Variants in CCSER2 observed in about 807,000 individuals in gnomAD.
CCSER2 encodes serine-rich coiled-coil domain-containing protein 2.
A neutral mutation model predicts 92.3 loss-of-function variants in CCSER2; 46 were observed. The ratio of observed to expected loss-of-function variants is 0.50; its 90% CI spans 0.39 to 0.64. The LOEUF (loss-of-function observed/expected upper bound fraction) is 0.64. CCSER2 is among the 30% of genes least tolerant of loss of function. CCSER2 has a pLI of 0.00. For missense variants in CCSER2, 1,244 were observed against 1,238.9 expected, an observed-to-expected ratio of 1.00 and a Z score of -0.06; for synonymous variants, 433 against 431.4, an observed-to-expected ratio of 1.00 and a Z score of -0.04.
intron 5 of CCSER2, among the ~76,000 whole-genome samples, chr10:84,431,558 A>C (rs994064155): frequency 3.3e-5 from 5 of 152,082 alleles, no homozygotes; most frequent in African/African-American, 1.2e-4. Flanking sequence ...CTGGGCACAT[A>C]TTGAGTCCTC....
At chr10:84,391,970 C>T (rs921535301) in intron 3 of CCSER2, 12 of 1,346,204 alleles carry the variant, frequency 8.9e-6, no homozygotes, top group East Asian at 2.3e-5. Context: ...ATCAAGTAGG[C>T]GATAAAAATT....
At chr10:84,504,595 C>T (rs1242366488) in intron 9 of CCSER2, among the ~76,000 whole-genome samples, 1 of 152,140 alleles carries the variant, frequency 6.6e-6, no homozygotes. Context: ...GTTGGATAAT[C>T]TTTCTAAGAG....
chr10:84,501,078 C>A (rs1045631470), intron 9 of CCSER2, among the ~76,000 whole-genome samples: 1 of 152,118 alleles, frequency 6.6e-6, no homozygotes, highest in African/African-American at 2.4e-5. Context: ...TTACTGGAAG[C>A]AATGAGAAAA....
At position 84,372,409 on chromosome 10, in the gene CCSER2, C is replaced by A; in HGVS notation, c.1357C>A (p.Pro453Thr). 1.3e-6 allele frequency: 2 copies of A among 1,591,908 alleles called. No individual in the cohort carries two copies. Among genetic ancestry groups the A allele is most frequent in the South Asian group, 1.2e-5 (1 of 85,864 alleles). Reference sequence around the variant, plus strand: ...GCCACCACAGGATATGTTTGATTCCCCCAAGGAAAATGAAAAAGCCTTCAG... The same window carrying A: ...GCCACCACAGGATATGTTTGATTCCACCAAGGAAAATGAAAAAGCCTTCAG... Reference protein sequence around the residue: ...NGPPQDMFDSPKENEKAFSKT... With the variant: ...NGPPQDMFDSTKENEKAFSKT... Residue 453 changes from proline to threonine, a missense_variant, in exon 2 of 10, where the codon CCC (proline) becomes ACC (threonine). Transcript: ENST00000372088.
intron 6 of CCSER2, among the ~76,000 whole-genome samples, chr10:84,457,278 A>AT (rs1233863506): frequency 1.8e-3 from 4 of 2,228 alleles, no homozygotes; most frequent in Non-Finnish European, 3.5e-3. Flanking sequence ...TATATAATAT[A>AT]TTATATATTA....
intron 3 of CCSER2, among the ~76,000 whole-genome samples, chr10:84,408,463 T>C (rs893703358): frequency 6.6e-6 from 1 of 152,152 alleles, no homozygotes; most frequent in Non-Finnish European, 1.5e-5. Flanking sequence ...CTTCTTTCCT[T>C]CCGTGTTCCT....
Position 84,373,734 on chromosome 10 carries a change from C to T in CCSER2, c.1533C>T (p.Tyr511=). The T allele has an allele frequency of 1.9e-6, 3 of 1,613,760 alleles. No individual in the cohort carries two copies. The highest frequency in any genetic ancestry group is 2.5e-6 in the Non-Finnish European group (3 of 1,179,788). The change falls in exon 3 of 10, where the codon TAC becomes TAT. Residue 511 remains tyrosine (Y), a synonymous_variant. Coordinates refer to ENST00000372088, the MANE Select transcript of CCSER2 (RefSeq NM_001284240.2). The stretch of plus-strand genomic sequence containing the variant: ...CATCTGATAGCTCTGATGGAACATA[C>T]ATGTGGGATGAAGAAGGCTTGGAAC... ...LSPSDSSDGT[Y]MWDEEGLEPI...
At chr10:84,390,416 A>G (rs1841455656) in intron 3 of CCSER2, among the ~76,000 whole-genome samples, 1 of 152,212 alleles carries the variant, frequency 6.6e-6, no homozygotes, top group Admixed American at 6.5e-5. Context: ...GCTATGTGAT[A>G]TTAGCCTATT....
intron 9 of CCSER2, among the ~76,000 whole-genome samples, chr10:84,502,588 G>A (rs1848821079): frequency 6.6e-6 from 1 of 151,978 alleles, no homozygotes; most frequent in Non-Finnish European, 1.5e-5. Context: ...AGCCAGGGTG[G>A]TTTCAAACTT....
chr10:84,479,337 G>T (rs566950662), intron 9 of CCSER2, among the ~76,000 whole-genome samples: 3 of 152,214 alleles, frequency 2.0e-5, no homozygotes, highest in Admixed American at 6.5e-5. Flanking sequence ...ACTCTTGACT[G>T]CTAGTTCTAG....
intron 9 of CCSER2, among the ~76,000 whole-genome samples, chr10:84,498,237 T>C (rs972800259): frequency 6.6e-6 from 1 of 152,234 alleles, no homozygotes; most frequent in African/African-American, 2.4e-5. Flanking sequence ...ATTTGTTTAG[T>C]ATAAATATAG....
Position 84,371,039 on chromosome 10 carries a change from G to A in CCSER2, c.-14G>A. ...ATTCTTTCAACTTTTAAGAACAAAT[G>A]CACCTTATAGCTCATGGAAGAAAAA... is the stretch of plus-strand genomic sequence containing the variant. On this transcript the variant is annotated 5_prime_UTR_variant, in exon 2 of 10. An upstream start codon of the reference 5' UTR is lost. Transcript: ENST00000372088. 6.6e-7 allele frequency: 1 copy of A among 1,513,628 alleles called. No individual in the cohort carries two copies. Among genetic ancestry groups the A allele is most frequent in the Non-Finnish European group, 8.9e-7 (1 of 1,128,346 alleles). 93.8% of individuals were successfully genotyped at this position (1,513,628 alleles called of 1,614,324 possible).
At chr10:84,447,029 GTT>G (rs537462619) in intron 6 of CCSER2, among the ~76,000 whole-genome samples, 2 of 139,876 alleles carry the variant, frequency 1.4e-5, no homozygotes. Context: ...TTTGTTTCCA[GTT>G]TTTTTTTTTT....
intron 1 of CCSER2, among the ~76,000 whole-genome samples, chr10:84,349,021 G>A (rs535244557): frequency 8.6e-5 from 13 of 151,844 alleles, no homozygotes; most frequent in Admixed American, 5.2e-4. Flanking sequence ...TAACATTGAC[G>A]CAATAGTTTA....
At chr10:84,499,852 C>G in intron 9 of CCSER2, 1 of 1,613,176 alleles carries the variant, frequency 6.2e-7, no homozygotes, top group Middle Eastern at 1.7e-4. Context: ...TTATACCTCC[C>G]TACCCCATCT....
intron 9 of CCSER2, chr10:84,499,948 A>G (rs184306794): frequency 4.3e-6 from 7 of 1,613,836 alleles, no homozygotes; most frequent in South Asian, 1.1e-5. Flanking sequence ...GTTCCACCGC[A>G]CCGCAGACAG....
intron 5 of CCSER2, among the ~76,000 whole-genome samples, chr10:84,437,913 C>G (rs140686624): frequency 1.3e-5 from 2 of 151,254 alleles, no homozygotes; most frequent in Admixed American, 6.6e-5. Context: ...GAGGTTTCAC[C>G]GAGAGTAGAT....
At chr10:84,428,356 C>G (rs1189147835) in intron 5 of CCSER2, among the ~76,000 whole-genome samples, 1 of 152,152 alleles carries the variant, frequency 6.6e-6, no homozygotes, top group Non-Finnish European at 1.5e-5. Flanking sequence ...GGTTCGTGCT[C>G]CTATGAGAAT....
In CCSER2 at chr10:84,371,932, T is replaced by C; in HGVS notation, c.880T>C (p.Tyr294His). The C allele has an allele frequency of 6.2e-7, 1 of 1,613,754 alleles. No individual in the cohort carries two copies. The highest frequency in any genetic ancestry group is 8.5e-7 in the Non-Finnish European group (1 of 1,179,778). The change falls in exon 2 of 10, where the codon TAT becomes CAT. Residue 294 changes from tyrosine (Y) to histidine (H), a missense_variant. Tyr to His is a moderately conservative substitution (Grantham distance 83). Coordinates refer to ENST00000372088, the MANE Select transcript of CCSER2 (RefSeq NM_001284240.2). ...TTTGGGGTATGGATTTAATAGGCCTTATGCTGCTGGTGGAAAGAAGTTGGC... is the reference window on the plus strand; with the variant it reads ...TTTGGGGTATGGATTTAATAGGCCTCATGCTGCTGGTGGAAAGAAGTTGGC... ...EHLGYGFNRP[Y>H]AAGGKKLALP...
Sources: gnomAD v4.1 joint callset for allele counts (sites outside exome capture counted in the v4.1 genomes callset) on GRCh38, gnomAD v4.1.1 for gene constraint, MANE v1.5 for transcripts, NCBI Gene and HGNC (gene_info 2026-07-23, HGNC 2026-07-21) for gene names.